PIGU: variants seen among roughly 807,000 people sequenced by gnomAD.
PIGU encodes phosphatidylinositol glycan anchor biosynthesis class U.
PIGU carries 24 observed loss-of-function variants against 49.9 expected under a neutral mutation model. The ratio of observed to expected loss-of-function variants is 0.48; its 90% CI spans 0.35 to 0.68. The LOEUF (loss-of-function observed/expected upper bound fraction) is 0.68. Among genes scored for constraint, PIGU ranks in the 30% least tolerant of loss-of-function variants. PIGU has a pLI of 0.01. For synonymous variants in PIGU, 220 were observed against 205.7 expected (o/e 1.07, Z -0.59); for missense variants, 490 against 532.6 (o/e 0.92, Z 0.79).
chr20:34,667,231 C>T (rs1261421358), intron 1 of PIGU, among the ~76,000 whole-genome samples: 1 of 152,090 alleles, frequency 6.6e-6, no homozygotes, highest in South Asian at 2.1e-4. Context: ...TTTTCAGTTT[C>T]CCGTATCAAT....
intron 1 of PIGU, among the ~76,000 whole-genome samples, chr20:34,664,728 G>A (rs997524917): frequency 5.3e-5 from 8 of 151,992 alleles, no homozygotes; most frequent in Non-Finnish European, 8.8e-5. Context: ...GGTGGCTCAC[G>A]CCTGTAATCC....
chr20:34,577,764 G>C (rs1351365763), intron 10 of PIGU, among the ~76,000 whole-genome samples: 1 of 152,090 alleles, frequency 6.6e-6, no homozygotes, highest in Admixed American at 6.6e-5. Context: ...ATCACACGGA[G>C]AGCCCTCAGA....
chr20:34,625,887 G>C (rs773497702), intron 6 of PIGU, among the ~76,000 whole-genome samples: 8 of 150,478 alleles, frequency 5.3e-5, no homozygotes, highest in Non-Finnish European at 8.9e-5. Flanking sequence ...TTCAGCCTGA[G>C]TGGCCTGGGT....
chr20:34,601,059 T>C (rs1984400208), intron 7 of PIGU, among the ~76,000 whole-genome samples: 2 of 150,086 alleles, frequency 1.3e-5, no homozygotes, highest in Admixed American at 1.3e-4. Flanking sequence ...AAAAAAGCAG[T>C]TCTCTTAGGC....
chr20:34,631,751 A>T (rs866191497), intron 6 of PIGU, among the ~76,000 whole-genome samples: 2 of 3,134 alleles, frequency 6.4e-4, no homozygotes, highest in African/African-American at 1.8e-3. Context: ...ATATATATAT[A>T]TATATATATA....
intron 1 of PIGU, among the ~76,000 whole-genome samples, chr20:34,658,485 G>A (rs1165171779): frequency 6.7e-6 from 1 of 150,080 alleles, no homozygotes. Flanking sequence ...CCCTCTGCCT[G>A]GCTGCCCAGT....
chr20:34,624,089 A>AT (rs541691242), intron 6 of PIGU, among the ~76,000 whole-genome samples: 8 of 151,730 alleles, frequency 5.3e-5, no homozygotes, highest in African/African-American at 1.2e-4. Context: ...TTATTTTTTA[A>AT]TTTTTTTTAC....
intron 6 of PIGU, among the ~76,000 whole-genome samples, chr20:34,626,364 G>A (rs866722996): frequency 1.4e-4 from 21 of 150,106 alleles, no homozygotes; most frequent in African/African-American, 4.4e-4. Context: ...GTGCAATGGC[G>A]TGATCTCGGC....
intron 4 of PIGU, among the ~76,000 whole-genome samples, chr20:34,642,838 A>C (rs1346026570): frequency 1.3e-5 from 2 of 149,380 alleles, no homozygotes; most frequent in Non-Finnish European, 3.0e-5. Context: ...GCTCACTCCA[A>C]TCTCCACCAC....
Position 34,676,960 on chromosome 20 carries a change from C to A in PIGU, c.126G>T (p.Lys42Asn). Residue 42 changes from lysine to asparagine, a missense_variant, in exon 1 of 12, where the codon AAG becomes AAT. Physicochemically the swap from Lys to Asn is moderately conservative, Grantham distance 94. Coordinates refer to ENST00000217446, the MANE Select transcript of PIGU (RefSeq NM_080476.5). ...VEVVSPLSSW[K>N]RVVEGLSLLD... ...TGCTCGAGCCAGTGGCCTCACCTCT[C>A]TTCCAAGAGCTCAGTGGGGACACCA... 1.3e-6 allele frequency: 2 copies of A among 1,571,636 alleles called. No homozygotes were observed. The highest frequency in any genetic ancestry group is 2.3e-5 in the East Asian group (1 of 43,372).
chr20:34,625,712 C>CAAA (rs536868098), intron 6 of PIGU, among the ~76,000 whole-genome samples: 17 of 84,322 alleles, frequency 2.0e-4, no homozygotes, highest in African/African-American at 8.5e-5. Flanking sequence ...GACTCTGTCT[C>CAAA]AAAAAAAAAA....
At chr20:34,662,885 T>G (rs1452719087) in intron 1 of PIGU, among the ~76,000 whole-genome samples, 2 of 152,176 alleles carry the variant, frequency 1.3e-5, no homozygotes, top group Non-Finnish European at 2.9e-5. Flanking sequence ...ATGTATTATT[T>G]TACAATTATT....
intron 2 of PIGU, among the ~76,000 whole-genome samples, chr20:34,647,925 T>C (rs186257470): frequency 6.6e-6 from 1 of 152,168 alleles, no homozygotes; most frequent in African/African-American, 2.4e-5. Flanking sequence ...TTTTGGTCTG[T>C]TTGTTCTTTC....
chr20:34,595,650 T>C (rs1305897302), intron 7 of PIGU, among the ~76,000 whole-genome samples: 1 of 152,160 alleles, frequency 6.6e-6, no homozygotes, highest in Admixed American at 6.5e-5. Flanking sequence ...TCCCTTCACT[T>C]ACCCCCTCCT....
At position 34,560,900 on chromosome 20, in the gene PIGU, T is replaced by TTGGCGGTCAAGTAGAGGCCATGTG. The variant is rs2146684689; in HGVS notation, c.1250_1273dup (p.Thr417_Ala424dup). Reference sequence around the variant, plus strand: ...CACGAGCATGGCCTCTGTGCCATCCTTGGCGGTCAAGTAGAGGCCATGTGT... The same window carrying TTGGCGGTCAAGTAGAGGCCATGTG: ...CACGAGCATGGCCTCTGTGCCATCCTTGGCGGTCAAGTAGAGGCCATGTGTGGCGGTCAAGTAGAGGCCATGTGT... On this transcript the variant is annotated inframe_insertion, in exon 12 of 12. Transcript: ENST00000217446. The TTGGCGGTCAAGTAGAGGCCATGTG allele has an allele frequency of 1.9e-6, 3 of 1,612,562 alleles. No individual in the cohort carries two copies. The East Asian group carries it at 6.7e-5, about 36-fold the overall frequency.
In PIGU at chr20:34,655,065, C is replaced by T. The variant is rs1263121142; in HGVS notation, c.195+2115G>A. Among the ~76,000 whole-genome samples the T allele has an allele frequency of 3.4e-5, 4 of 116,100 alleles. 1 individual carries two copies. The highest frequency in any genetic ancestry group is 2.3e-4 in the Admixed American group (2 of 8,742). 76.2% of individuals were successfully genotyped at this position (116,100 alleles called of 152,430 possible). On this transcript the variant is annotated intron_variant, in intron 2 of 11. Coordinates refer to ENST00000217446, the MANE Select transcript of PIGU (RefSeq NM_080476.5). ...CTCATGCCTGTAATCCCAACACTTT[C>T]GGAGGCCAAGGCAGGAGGATTACTT...
At chr20:34,585,813 T>C (rs1394629504) in intron 8 of PIGU, among the ~76,000 whole-genome samples, 1 of 151,914 alleles carries the variant, frequency 6.6e-6, no homozygotes, top group Non-Finnish European at 1.5e-5. Flanking sequence ...GCCAAACAAA[T>C]CTGAAATGAG....
At chr20:34,570,093 G>A (rs1028757454) in intron 11 of PIGU, among the ~76,000 whole-genome samples, 13 of 152,188 alleles carry the variant, frequency 8.5e-5, no homozygotes, top group African/African-American at 1.2e-4. Flanking sequence ...GTAAAGGGCT[G>A]TCAGTAGAGT....
chr20:34,638,098 G>A, intron 4 of PIGU, 113 bp from the exon 5 acceptor site: 1 of 1,416,452 alleles, frequency 7.1e-7, no homozygotes, highest in Non-Finnish European at 9.1e-7. Context: ...TGCCTGGTCT[G>A]GCCCTACCTC....
Sources: allele counts gnomAD v4.1 joint callset (sites outside exome capture counted in the v4.1 genomes callset), GRCh38; gene constraint gnomAD v4.1.1; transcripts MANE v1.5; gene names NCBI Gene and HGNC (gene_info 2026-07-23, HGNC 2026-07-21).